NXPE4: variants seen among roughly 807,000 people sequenced by gnomAD.
NXPE4 encodes the protein neurexophilin and PC-esterase domain family member 4.
Under a neutral mutation model 33.3 loss-of-function variants are expected in NXPE4, and 42 were observed. That is an observed-to-expected ratio of 1.26 (90% confidence interval 0.98 to 1.63). The LOEUF is 1.63. Ranked by LOEUF, NXPE4 falls within the 40% of genes most tolerant of loss-of-function variation. The pLI, the probability that NXPE4 is intolerant of heterozygous loss-of-function variation, is 0.00. For missense variants in NXPE4, 709 were observed against 647.6 expected (o/e 1.09, Z -1.03); for synonymous variants, 253 against 234.9 (o/e 1.08, Z -0.71).
At chr11:114,659,807 A>G in the NXPE4 span, among the ~76,000 whole-genome samples, 1 of 152,226 alleles carries the variant, frequency 6.6e-6, no homozygotes, top group East Asian at 1.9e-4. Context: ...AGCAGAGGAA[A>G]ACAATAATGT....
At chr11:114,664,889 T>G in the NXPE4 span, among the ~76,000 whole-genome samples, 1 of 152,298 alleles carries the variant, frequency 6.6e-6, no homozygotes, top group African/African-American at 2.4e-5. Flanking sequence ...TCAGATGATT[T>G]TGCCCAGCTG....
chr11:114,652,223 G>C, the NXPE4 span, among the ~76,000 whole-genome samples: 12 of 152,188 alleles, frequency 7.9e-5, no homozygotes, highest in Non-Finnish European at 5.9e-5. Flanking sequence ...AGTTGAGTTA[G>C]CAGGTGAATT....
At chr11:114,613,030 T>C in the NXPE4 span, among the ~76,000 whole-genome samples, 1 of 151,966 alleles carries the variant, frequency 6.6e-6, no homozygotes, top group Non-Finnish European at 1.5e-5. Context: ...GTAACCACTG[T>C]TACCTGGTGG....
chr11:114,639,104 C>T, the NXPE4 span, among the ~76,000 whole-genome samples: 1 of 152,068 alleles, frequency 6.6e-6, no homozygotes, highest in Non-Finnish European at 1.5e-5. Context: ...CCTCCTTGAG[C>T]TGTGGTGGGC....
the NXPE4 span, among the ~76,000 whole-genome samples, chr11:114,618,061 A>G: frequency 6.6e-6 from 1 of 152,008 alleles, no homozygotes; most frequent in African/African-American, 2.4e-5. Flanking sequence ...CCCTGTGGAT[A>G]ATAAGTGTTG....
chr11:114,586,395 G>A (rs1318631584), intron 2 of NXPE4, among the ~76,000 whole-genome samples: 3 of 152,106 alleles, frequency 2.0e-5, no homozygotes, highest in Non-Finnish European at 4.4e-5. Flanking sequence ...TATAGAAGTG[G>A]ACCCCAACTC....
chr11:114,592,837 A>T (rs1591355868), intron 2 of NXPE4, among the ~76,000 whole-genome samples: 1 of 152,184 alleles, frequency 6.6e-6, no homozygotes, highest in Non-Finnish European at 1.5e-5. Flanking sequence ...ACATACACCA[A>T]TGGAACAGAA....
At chr11:114,627,186 T>A in the NXPE4 span, among the ~76,000 whole-genome samples, 1 of 151,876 alleles carries the variant, frequency 6.6e-6, no homozygotes, top group East Asian at 1.9e-4. Flanking sequence ...AAGATACTCC[T>A]CGAGAAGAGC....
the NXPE4 span, among the ~76,000 whole-genome samples, chr11:114,639,776 A>G: frequency 2.3e-5 from 3 of 129,020 alleles, no homozygotes; most frequent in East Asian, 4.2e-4. Context: ...ATAAAATAAT[A>G]TAAAATATAA....
In NXPE4 at chr11:114,594,782, A is replaced by G. The variant is rs372901659; in HGVS notation, c.-10-13T>C. On this transcript the variant is annotated splice_polypyrimidine_tract_variant and intron_variant, in intron 1 of 5. Coordinates refer to ENST00000375478, the MANE Select transcript of NXPE4 (RefSeq NM_001077639.2). ...CATGATTAGGATCCTACAAGAGACA[A>G]TACAAAAACAAGCACAAAAACATAC... 1.3e-5 allele frequency: 16 copies of G among 1,244,404 alleles called. No homozygotes were observed. The African/African-American group carries it at 2.4e-4, about 19-fold the overall frequency. 77.1% of individuals were successfully genotyped at this position (1,244,404 alleles called of 1,614,324 possible).
chr11:114,631,713 C>T, the NXPE4 span, among the ~76,000 whole-genome samples: 20 of 151,560 alleles, frequency 1.3e-4, no homozygotes, highest in East Asian at 1.9e-4. Flanking sequence ...CACTGTTACC[C>T]GGTGGGTAAT....
chr11:114,660,964 T>C, the NXPE4 span, among the ~76,000 whole-genome samples: 2 of 152,284 alleles, frequency 1.3e-5, no homozygotes, highest in East Asian at 3.9e-4. Context: ...ATTGTTATTC[T>C]GTCAATCATC....
chr11:114,645,732 T>G, the NXPE4 span, among the ~76,000 whole-genome samples: 7 of 152,134 alleles, frequency 4.6e-5, no homozygotes, highest in Admixed American at 3.3e-4. Context: ...TCATATAAAG[T>G]GATATTTGAA....
upstream of NXPE4, among the ~76,000 whole-genome samples, chr11:114,600,304 CA>C (rs1310989571): frequency 1.3e-5 from 2 of 152,022 alleles, no homozygotes; most frequent in African/African-American, 4.8e-5. Flanking sequence ...TTCTATAATT[CA>C]AAAACTCATT....
chr11:114,599,474 T>C (rs1333019502), upstream of NXPE4, among the ~76,000 whole-genome samples: 5 of 152,186 alleles, frequency 3.3e-5, no homozygotes, highest in African/African-American at 1.2e-4. Context: ...TATGGCAGTG[T>C]TCCACTCCCC....
At chr11:114,647,876 A>C in the NXPE4 span, among the ~76,000 whole-genome samples, 1 of 151,928 alleles carries the variant, frequency 6.6e-6, no homozygotes, top group Non-Finnish European at 1.5e-5. Flanking sequence ...TAAGTTTTGT[A>C]ATTTTAGTAG....
At chr11:114,640,727 T>C in the NXPE4 span, among the ~76,000 whole-genome samples, 1 of 151,602 alleles carries the variant, frequency 6.6e-6, no homozygotes, top group East Asian at 1.9e-4. Flanking sequence ...GTATTTTTTA[T>C]ATGTTTGTTG....
the NXPE4 span, among the ~76,000 whole-genome samples, chr11:114,674,561 C>G: frequency 6.7e-5 from 10 of 149,930 alleles, no homozygotes; most frequent in Admixed American, 6.0e-4. Flanking sequence ...AAGGAGGAAT[C>G]AAAACATACC....
At chr11:114,645,098 T>C in the NXPE4 span, among the ~76,000 whole-genome samples, 12 of 151,712 alleles carry the variant, frequency 7.9e-5, no homozygotes, top group African/African-American at 2.9e-4. Flanking sequence ...GGTCAGGAGT[T>C]CAAAACCAGC....
Sources: gnomAD v4.1 joint callset for allele counts (sites outside exome capture counted in the v4.1 genomes callset) on GRCh38, gnomAD v4.1.1 for gene constraint, MANE v1.5 for transcripts, NCBI Gene and HGNC (gene_info 2026-07-23, HGNC 2026-07-21) for gene names.